The following ANO4 variants were observed in gnomAD, a reference collection of about 807,000 sequenced individuals.
ANO4 encodes the protein anoctamin 4.
Under a neutral mutation model 141.9 loss-of-function variants are expected in ANO4, and 69 were observed. That is an observed-to-expected ratio of 0.49 (90% CI 0.40 to 0.59). The LOEUF (loss-of-function observed/expected upper bound fraction) is 0.59, where lower values mean the gene tolerates loss of function less well. Ranked by LOEUF, ANO4 falls within the 20% of genes least tolerant of loss-of-function variation. The pLI is 0.00. For missense variants in ANO4, 894 were observed against 1,162.2 expected, an observed-to-expected ratio of 0.77 and a Z score of 3.36; for synonymous variants, 350 against 394.3, an observed-to-expected ratio of 0.89 and a Z score of 1.33.
chr12:101,022,060 A>AAC (rs1491061815), intron 9 of ANO4, among the ~76,000 whole-genome samples: 1 of 145,758 alleles, frequency 6.9e-6, no homozygotes, highest in African/African-American at 2.5e-5. Flanking sequence ...AAAAAAAAAA[A>AAC]CACCTACTTT....
At chr12:100,856,377 T>G (rs1469608308) in intron 1 of ANO4, among the ~76,000 whole-genome samples, 1 of 152,188 alleles carries the variant, frequency 6.6e-6, no homozygotes, top group East Asian at 1.9e-4. Flanking sequence ...GGAGTGTATC[T>G]GAAGGCACAC....
Position 100,933,392 on chromosome 12 carries a change from A to G in ANO4, c.161-5923A>G, listed in dbSNP as rs148414394. ...GTGTTTGGCTTTCTGTCCTTGTGATAGTTTGCCAAGAATGATGGTTTCCAG... is the reference window on the plus strand; with the variant it reads ...GTGTTTGGCTTTCTGTCCTTGTGATGGTTTGCCAAGAATGATGGTTTCCAG... On this transcript the variant is annotated intron_variant, in intron 3 of 27. Transcript: ENST00000392977. Among the ~76,000 whole-genome samples, 575 of 152,222 alleles carry G rather than the reference A, an allele frequency of 3.8e-3. 32 individuals carry two copies. The East Asian group carries it at 0.097, about 26-fold the overall frequency.
intron 3 of ANO4, among the ~76,000 whole-genome samples, chr12:100,927,192 G>A (rs915010317): frequency 2.0e-5 from 3 of 152,126 alleles, no homozygotes; most frequent in Admixed American, 2.0e-4. Context: ...AAACTCCTAG[G>A]ACCTTTGCAC....
intron 8 of ANO4, among the ~76,000 whole-genome samples, chr12:101,006,055 C>T (rs1424569529): frequency 2.6e-5 from 4 of 152,082 alleles, no homozygotes; most frequent in Admixed American, 2.0e-4. Context: ...CAACCTCTGG[C>T]TCAATTAATG....
At position 101,007,238 on chromosome 12, in the gene ANO4, A is replaced by G. The variant is rs148610816; in HGVS notation, c.735-12796A>G. On this transcript the variant is annotated intron_variant, in intron 8 of 27. Coordinates refer to ENST00000392977, the MANE Select transcript of ANO4 (RefSeq NM_001286615.2). ...TGTGATGGCATGCGCCTGTAGGCCT[A>G]GCTACTTGGGAGACTGAAGCAGAAT... 2.8e-3 allele frequency among the ~76,000 whole-genome samples: 426 copies of G among 152,332 alleles called. 4 individuals are homozygous for G. The highest frequency in any genetic ancestry group is 9.5e-3 in the African/African-American group (396 of 41,576).
intron 26 of ANO4, among the ~76,000 whole-genome samples, chr12:101,121,893 G>A (rs1593324245): frequency 6.6e-6 from 1 of 151,578 alleles, no homozygotes; most frequent in Non-Finnish European, 1.5e-5. Flanking sequence ...TCCTGAGTAG[G>A]TGGGATTACA....
Position 101,094,983 on chromosome 12 carries a change from T to C in ANO4, c.1738+691T>C, listed in dbSNP as rs538206115. 1.2e-4 allele frequency among the ~76,000 whole-genome samples: 18 copies of C among 152,328 alleles called. No homozygotes were observed. The East Asian group carries it at 3.5e-3, about 29-fold the overall frequency. On this transcript the variant is annotated intron_variant, in intron 18 of 27. Transcript: ENST00000392977. ...GAACAATCTGGTAACCAGTAATAAC[T>C]TGTACATTTATCACATTTTCAAAAT...
In ANO4 at chr12:101,015,673, G is replaced by A. The variant is rs187156006; in HGVS notation, c.735-4361G>A. Among the ~76,000 whole-genome samples the A allele has an allele frequency of 3.5e-4, 54 of 152,260 alleles. 1 individual carries two copies. The highest frequency in any genetic ancestry group is 9.9e-4 in the African/African-American group (41 of 41,556). On this transcript the variant is annotated intron_variant, in intron 8 of 27. Transcript: ENST00000392977. ...GATGGTATGTAGTGAAGATATATGC[G>A]TAGTTTTGATAGACCTGACCAAATG...
At chr12:101,112,150 A>C (rs2050687778) in intron 24 of ANO4, among the ~76,000 whole-genome samples, 1 of 152,224 alleles carries the variant, frequency 6.6e-6, no homozygotes. Context: ...AACTCTGCAG[A>C]TCTTACATAG....
At chr12:101,100,194 T>G (rs1343533052) in intron 22 of ANO4, among the ~76,000 whole-genome samples, 3 of 152,198 alleles carry the variant, frequency 2.0e-5, no homozygotes, top group East Asian at 3.8e-4. Flanking sequence ...TATTATTCTC[T>G]TATTCTTTTT....
intron 25 of ANO4, among the ~76,000 whole-genome samples, chr12:101,119,894 TCGG>T (rs1247166837): frequency 6.6e-6 from 1 of 152,150 alleles, no homozygotes; most frequent in Non-Finnish European, 1.5e-5. Flanking sequence ...CAACAGGTAT[TCGG>T]CAAACATTTG....
intron 1 of ANO4, among the ~76,000 whole-genome samples, chr12:100,847,454 C>T (rs2037624931): frequency 6.7e-6 from 1 of 149,694 alleles, no homozygotes; most frequent in Non-Finnish European, 1.5e-5. Flanking sequence ...TTGCAAAACA[C>T]CTCAAATGGT....
chr12:100,782,755 A>G (rs941191872), intron 3 of ANO4, among the ~76,000 whole-genome samples: 2 of 151,334 alleles, frequency 1.3e-5, no homozygotes, highest in African/African-American at 4.9e-5. Flanking sequence ...CTGATATTTT[A>G]TAGACTTCCT....
chr12:100,806,869 A>G (rs552157679), intron 1 of ANO4, among the ~76,000 whole-genome samples: 1 of 152,090 alleles, frequency 6.6e-6, no homozygotes, highest in Non-Finnish European at 1.5e-5. Context: ...AGAAAAATTC[A>G]CATTTCCTTA....
At chr12:101,062,476 GCCCCGACAGCCACTGCTT>G (rs772996884) in intron 14 of ANO4, among the ~76,000 whole-genome samples, 6 of 152,180 alleles carry the variant, frequency 3.9e-5, no homozygotes, top group Non-Finnish European at 8.8e-5. Context: ...TGCTGAAGCT[GCCCCGACAGCCACTGCTT>G]CCCCCAGGTG....
At chr12:101,042,943 C>G (rs1271165055) in intron 12 of ANO4, among the ~76,000 whole-genome samples, 3 of 152,136 alleles carry the variant, frequency 2.0e-5, no homozygotes, top group African/African-American at 7.2e-5. Context: ...TCAAGGTACT[C>G]ACAGAGATCT....
At chr12:100,782,383 C>T (rs1338563972) in intron 3 of ANO4, among the ~76,000 whole-genome samples, 1 of 152,138 alleles carries the variant, frequency 6.6e-6, no homozygotes, top group Non-Finnish European at 1.5e-5. Flanking sequence ...TCTAAGGTCA[C>T]CTGATTATGG....
intron 1 of ANO4, among the ~76,000 whole-genome samples, chr12:100,858,150 T>C (rs769850144): frequency 8.5e-5 from 13 of 152,134 alleles, no homozygotes; most frequent in Non-Finnish European, 1.9e-4. Context: ...GAGAAATGCA[T>C]TGTTAGCTGA....
intron 14 of ANO4, among the ~76,000 whole-genome samples, chr12:101,066,301 T>G (rs1242908424): frequency 6.6e-6 from 1 of 152,152 alleles, no homozygotes; most frequent in Non-Finnish European, 1.5e-5. Context: ...GCACCCAAAT[T>G]GGAAAGGAAG....
Sources: gnomAD v4.1 joint callset for allele counts (sites outside exome capture counted in the v4.1 genomes callset) on GRCh38, gnomAD v4.1.1 for gene constraint, MANE v1.5 for transcripts, NCBI Gene and HGNC (gene_info 2026-07-23, HGNC 2026-07-21) for gene names.